The following SAMD11 variants were observed in gnomAD, a reference collection of about 807,000 sequenced individuals.
SAMD11 encodes the protein sterile alpha motif domain-containing protein 11.
SAMD11 carries 77 observed loss-of-function variants against 64.4 expected under a neutral mutation model. The ratio of observed to expected loss-of-function variants is 1.20; its 90% CI spans 0.99 to 1.44. The LOEUF (loss-of-function observed/expected upper bound fraction) is 1.44, where lower values mean the gene tolerates loss of function less well. SAMD11 is among the 40% of genes most tolerant of loss of function. The pLI, the probability that SAMD11 is intolerant of heterozygous loss-of-function variation, is 0.00. For missense variants in SAMD11, 1,402 were observed against 943.3 expected (o/e 1.49, Z -6.37); for synonymous variants, 658 against 421.9 (o/e 1.56, Z -6.86).
chr1:939,345 A>G lies in SAMD11; in HGVS notation c.1128A>G (p.Ser376=). Residue 376 remains serine (S), a synonymous_variant, in exon 7 of 14, where the codon TCA becomes TCG. Coordinates refer to ENST00000616016, the MANE Select transcript of SAMD11 (RefSeq NM_001385641.1). ...AGGACCATTACCGCCGGCTTGTGTC[A>G]GCACTGAGCGAGGCCAGCACCTTTG... The part of the protein sequence containing the change: ...APEDHYRRLV[S]ALSEASTFED... 1 of 1,612,212 alleles carries G rather than the reference A, an allele frequency of 6.2e-7. No homozygotes were observed. Among genetic ancestry groups the G allele is most frequent in the African/African-American group, 1.3e-5 (1 of 74,712 alleles).
chr1:930,563 G>C (rs778343832), intron 3 of SAMD11, among the ~76,000 whole-genome samples: 2 of 152,234 alleles, frequency 1.3e-5, no homozygotes, highest in Non-Finnish European at 2.9e-5. Context: ...GGCAGAGGCA[G>C]GTTGGCAGCA....
At chr1:943,131 G>A (rs1312186903) in intron 11 of SAMD11, 73 bp downstream of exon 11, 10 of 1,572,484 alleles carry the variant, frequency 6.4e-6, no homozygotes, top group Non-Finnish European at 8.6e-6. Flanking sequence ...GGGTCTTGGG[G>A]GGAGGAAAAA....
chr1:942,150 CG>C lies in SAMD11; in HGVS notation c.1374del (p.Leu461CysfsTer103). 1 of 1,363,366 alleles carries C rather than the reference CG, an allele frequency of 7.3e-7. No homozygotes were observed. Among genetic ancestry groups the C allele is most frequent in the African/African-American group, 1.5e-5 (1 of 66,984 alleles). The allele number at this position is 1,363,366 out of a possible 1,614,324, so 84.5% of individuals were successfully genotyped here. The stretch of plus-strand genomic sequence containing the variant: ...GCCGTCCACAGGGAGCTGCCTCAGC[CG>C]CCCCCCTTGCTGTCGCCGCAGAATG... ...PSFSERELPQPPPLLSPQNAP... is the reference protein window; with the variant it reads ...PSFSERELPQXPPLLSPQNAP... On this transcript the variant is annotated frameshift_variant, in exon 9 of 14. Coordinates refer to ENST00000616016, the MANE Select transcript of SAMD11 (RefSeq NM_001385641.1). LOFTEE classifies it high-confidence loss of function.
chr1:927,190 G>A (rs567590803), intron 2 of SAMD11, among the ~76,000 whole-genome samples: 3 of 152,276 alleles, frequency 2.0e-5, no homozygotes, highest in South Asian at 4.1e-4. Flanking sequence ...GCAGACAGCC[G>A]GCAGCCCCCT....
At chr1:942,377 C>T (rs1219084510) in intron 9 of SAMD11, 33 bp from the exon 10 acceptor site, 3 of 1,283,594 alleles carry the variant, frequency 2.3e-6, no homozygotes, top group South Asian at 1.4e-5. Flanking sequence ...CGCCTCGGAC[C>T]CCCCGACCCC....
intron 2 of SAMD11, among the ~76,000 whole-genome samples, chr1:928,247 C>T (rs1640998687): frequency 6.6e-6 from 1 of 152,150 alleles, no homozygotes; most frequent in Non-Finnish European, 1.5e-5. Flanking sequence ...AAAAAATTAG[C>T]CGGGCGTGGT....
chr1:925,961 A>C lies in SAMD11; in HGVS notation c.557A>C (p.Gln186Pro). The C allele has an allele frequency of 6.2e-7, 1 of 1,612,162 alleles. No individual in the cohort carries two copies. Among genetic ancestry groups the C allele is most frequent in the Non-Finnish European group, 8.5e-7 (1 of 1,179,928 alleles). The change falls in exon 2 of 14, where the codon CAG (glutamine) becomes CCG (proline). Residue 186 changes from glutamine to proline, a missense_variant. Transcript: ENST00000616016. ...ACGCTTATGTCCAAGGGGATCCTGCAGGTGCATCCTCCGATCTGCGACTGC... is the reference window on the plus strand; with the variant it reads ...ACGCTTATGTCCAAGGGGATCCTGCCGGTGCATCCTCCGATCTGCGACTGC... ...LKTLMSKGIL[Q>P]VHPPICDCPG...
chr1:935,079 C>G (rs910137948), intron 4 of SAMD11, among the ~76,000 whole-genome samples: 1 of 152,252 alleles, frequency 6.6e-6, no homozygotes, highest in African/African-American at 2.4e-5. Flanking sequence ...CCACACAGTT[C>G]GTCTCATTGC....
chr1:944,234 ATTTC>A lies in SAMD11; in HGVS notation c.*86_*89del, dbSNP rs1642011657. The A allele has an allele frequency of 2.1e-6, 3 of 1,458,106 alleles. No homozygotes were observed. Among genetic ancestry groups the A allele is most frequent in the Non-Finnish European group, 2.7e-6 (3 of 1,106,316 alleles). The allele number at this position is 1,458,106 out of a possible 1,614,324, so 90.3% of individuals were successfully genotyped here. A position where few individuals can be genotyped will look rare whatever the true frequency, so the allele number is the denominator to read the frequency against. ...CAATGGCCCTGCCTCCCACCGCTTT[ATTTC>A]TTTCGGTTTCGGATGCAAAACAAAA... On this transcript the variant is annotated 3_prime_UTR_variant, in exon 14 of 14. Coordinates refer to ENST00000616016, the MANE Select transcript of SAMD11 (RefSeq NM_001385641.1).
At chr1:935,955 C>G in intron 5 of SAMD11, 59 bp downstream of exon 5, 1 of 1,544,480 alleles carries the variant, frequency 6.5e-7, no homozygotes, top group East Asian at 2.3e-5. Flanking sequence ...AGGACGGTGG[C>G]GTCTCCACTC....
intron 1 of SAMD11, 23 bp from the exon 2 acceptor site, chr1:925,899 G>A: frequency 6.4e-7 from 1 of 1,563,066 alleles, no homozygotes; most frequent in Non-Finnish European, 8.8e-7. Flanking sequence ...CCCTCACAGG[G>A]TCTGCCTCGG....
At chr1:943,422 GCAGTCA>G in intron 12 of SAMD11, 45 bp downstream of exon 12, 1 of 1,462,122 alleles carries the variant, frequency 6.8e-7, no homozygotes, top group Non-Finnish European at 9.2e-7. Flanking sequence ...GAGCTGGCTG[GCAGTCA>G]CTACCTCCCT....
rs768970047 is a variant in SAMD11, at chr1:944,131, A to G, written c.2513A>G (p.Asp838Gly). 6.3e-7 allele frequency: 1 copy of G among 1,580,906 alleles called. No homozygotes were observed. Among genetic ancestry groups the G allele is most frequent in the East Asian group, 2.3e-5 (1 of 44,292 alleles). Residue 838 changes from aspartate to glycine, a missense_variant, in exon 14 of 14, where the codon GAC (aspartate) becomes GGC (glycine). Physicochemically the swap from Asp to Gly is moderately conservative, Grantham distance 94 (BLOSUM62 -1). Coordinates refer to ENST00000616016, the MANE Select transcript of SAMD11 (RefSeq NM_001385641.1). ...TTGGCTCTACTTCCAGGGGCCCCCG[A>G]CCCTTCCCAGCCTCTGTGTTGAGGT... is the stretch of plus-strand genomic sequence containing the variant. ...GTLALLPGAP[D>G]PSQPLC is the part of the protein sequence containing the mutation.
rs138333096 is a variant in SAMD11, at chr1:929,648, G to A, written c.610-507G>A. On this transcript the variant is annotated intron_variant, in intron 2 of 13. Coordinates refer to ENST00000616016, the MANE Select transcript of SAMD11 (RefSeq NM_001385641.1). Reference sequence around the variant, plus strand: ...AGGGAACGTGCGCATTTGAGTGCACGTCCACCAGCACCAGCCCCAGGCCAC... The same window carrying A: ...AGGGAACGTGCGCATTTGAGTGCACATCCACCAGCACCAGCCCCAGGCCAC... Among the ~76,000 whole-genome samples, 323 of 152,352 alleles carry A rather than the reference G, an allele frequency of 2.1e-3. 1 individual carries two copies. The highest frequency in any genetic ancestry group is 7.2e-3 in the African/African-American group (301 of 41,582).
At chr1:935,044 C>G (rs975071502) in intron 4 of SAMD11, among the ~76,000 whole-genome samples, 1 of 151,990 alleles carries the variant, frequency 6.6e-6, no homozygotes, top group Non-Finnish European at 1.5e-5. Context: ...GCTCACGGAA[C>G]CGGGAAGGGG....
In SAMD11 at chr1:943,373, C is replaced by T. The variant is rs879056967; in HGVS notation, c.2174C>T (p.Thr725Ile). 1.9e-6 allele frequency: 3 copies of T among 1,553,398 alleles called. No individual in the cohort carries two copies. The highest frequency in any genetic ancestry group is 2.4e-5 in the South Asian group (2 of 82,768). ...VGGLSGCGEY[T>I]RVFREQGIDG... is the part of the protein sequence containing the mutation. ...GGCCTGTCTGGCTGTGGAGAGTACA[C>T]TCGGGTAAGGGGGGGCCCCAGTTCC... Residue 725 changes from threonine to isoleucine, a missense_variant, in exon 12 of 14, where the codon ACT becomes ATT. Transcript: ENST00000616016.
At chr1:939,470 C>T in intron 7 of SAMD11, 58 bp downstream of exon 7, 1 of 1,599,028 alleles carries the variant, frequency 6.3e-7, no homozygotes. Context: ...GGTGAGGACC[C>T]ACCCTGGCAT....
In SAMD11 at chr1:943,043, C is replaced by G. The variant is rs201075481; in HGVS notation, c.2038C>G (p.Pro680Ala). ...LPLGFPYAVS[P>A]YFHTGAVGGL... ...CCTGGGCTTCCCTTATGCCGTCAGCCCCTACTTCCACACAGGTGGGCACCC... is the reference window on the plus strand; with the variant it reads ...CCTGGGCTTCCCTTATGCCGTCAGCGCCTACTTCCACACAGGTGGGCACCC... Residue 680 changes from proline (P) to alanine (A), a missense_variant, in exon 11 of 14, where the codon CCC becomes GCC. Physicochemically the swap from Pro to Ala is conservative, Grantham distance 27. Transcript: ENST00000616016. The G allele has an allele frequency of 2.0e-6, 3 of 1,532,052 alleles. No individual in the cohort carries two copies. The highest frequency in any genetic ancestry group is 1.4e-5 in the African/African-American group (1 of 71,782). The allele number at this position is 1,532,052 out of a possible 1,614,324, so 94.9% of individuals were successfully genotyped here.
chr1:928,155 A>C (rs577453795), intron 2 of SAMD11, among the ~76,000 whole-genome samples: 2 of 152,318 alleles, frequency 1.3e-5, no homozygotes, highest in East Asian at 3.9e-4. Flanking sequence ...GCACTTTGGG[A>C]GGCCGAGGCG....
Sources: allele counts gnomAD v4.1 joint callset (sites outside exome capture counted in the v4.1 genomes callset), GRCh38; gene constraint gnomAD v4.1.1; transcripts MANE v1.5; gene names NCBI Gene and HGNC (gene_info 2026-07-23, HGNC 2026-07-21).